Variants in MSH3 observed in about 807,000 individuals in gnomAD.
The protein encoded by MSH3 is DNA mismatch repair protein Msh3.
A neutral mutation model predicts 123.3 loss-of-function variants in MSH3; 106 were observed. The ratio of observed to expected loss-of-function variants is 0.86; its 90% CI spans 0.73 to 1.01. MSH3 has a LOEUF of 1.01. Among genes scored for constraint, MSH3 ranks in the 50% least tolerant of loss-of-function variants. The pLI is 0.00. For missense variants in MSH3, 1,459 were observed against 1,347.6 expected, an observed-to-expected ratio of 1.08 and a Z score of -1.29; for synonymous variants, 515 against 481.4, an observed-to-expected ratio of 1.07 and a Z score of -0.91.
intron 8 of MSH3, among the ~76,000 whole-genome samples, chr5:80,687,914 A>T (rs913426990): frequency 1.3e-5 from 2 of 152,178 alleles, no homozygotes; most frequent in African/African-American, 4.8e-5. Context: ...GAGCTTAGAG[A>T]ATGCCAATAG....
intron 21 of MSH3, 38 bp from the exon 22 acceptor site, chr5:80,864,775 A>T (rs772871545): frequency 2.4e-5 from 37 of 1,523,036 alleles, no homozygotes; most frequent in Middle Eastern, 1.7e-4. Context: ...AATAAAATTT[A>T]AAAATGAAAT....
intron 20 of MSH3, among the ~76,000 whole-genome samples, chr5:80,826,937 A>G (rs952566755): frequency 1.3e-5 from 2 of 152,200 alleles, no homozygotes; most frequent in Non-Finnish European, 2.9e-5. Context: ...AGTTTTGGCA[A>G]ACACATACAT....
At chr5:80,808,116 C>CT (rs1744924834) in intron 19 of MSH3, among the ~76,000 whole-genome samples, 2 of 151,970 alleles carry the variant, frequency 1.3e-5, no homozygotes, top group East Asian at 3.9e-4. Context: ...TAGGTCATAT[C>CT]TTTTTTACAA....
chr5:80,724,769 A>G (rs1337661406), intron 8 of MSH3, among the ~76,000 whole-genome samples: 1 of 152,224 alleles, frequency 6.6e-6, no homozygotes, highest in East Asian at 1.9e-4. Context: ...TATTTAAACA[A>G]ATAACGTAAT....
chr5:80,787,775 G>T lies in MSH3; in HGVS notation c.2543+103G>T, dbSNP rs1744535702. On this transcript the variant is annotated intron_variant, in intron 18 of 23. Coordinates refer to ENST00000265081, the MANE Select transcript of MSH3 (RefSeq NM_002439.5). ...TATAAAATATTACAGTTACTCAAAT[G>T]TGTTAGACTCTTGGGAAAGCTGAAT... 7.4e-6 allele frequency: 6 copies of T among 814,364 alleles called. No homozygotes were observed. In the South Asian group the frequency reaches 8.6e-5, roughly 12 times the overall value. The allele number at this position is 814,364 out of a possible 1,614,324, so 50.4% of individuals were successfully genotyped here.
chr5:80,702,547 A>G (rs1484881062), intron 8 of MSH3, among the ~76,000 whole-genome samples: 1 of 152,158 alleles, frequency 6.6e-6, no homozygotes, highest in Admixed American at 6.5e-5. Context: ...CATTAACTGC[A>G]TGTGGTTAGT....
chr5:80,762,774 TAA>T (rs1491465829), intron 13 of MSH3, among the ~76,000 whole-genome samples: 3 of 148,080 alleles, frequency 2.0e-5, no homozygotes, highest in Admixed American at 6.8e-5. Flanking sequence ...TATTTTATTT[TAA>T]TTTTTTATTT....
chr5:80,875,910 A>G lies in MSH3; in HGVS notation c.*48A>G, dbSNP rs781625455. 1.1e-5 allele frequency: 13 copies of G among 1,157,116 alleles called. No homozygotes were observed. Among genetic ancestry groups the G allele is most frequent in the Middle Eastern group, 2.0e-4 (1 of 4,928 alleles). 71.7% of individuals were successfully genotyped at this position (1,157,116 alleles called of 1,614,324 possible). On this transcript the variant is annotated 3_prime_UTR_variant, in exon 24 of 24. Transcript: ENST00000265081. ...AAAAAATGGAGAATTAAAAATACCA[A>G]CTGTACAAAATAACTCTCCAGTAAC...
chr5:80,700,028 T>A (rs1750572646), intron 8 of MSH3, among the ~76,000 whole-genome samples: 1 of 152,214 alleles, frequency 6.6e-6, no homozygotes, highest in Non-Finnish European at 1.5e-5. Context: ...GTCATTCTGT[T>A]TCATTATGTT....
chr5:80,763,122 C>T (rs182708438), intron 13 of MSH3, among the ~76,000 whole-genome samples: 90 of 152,288 alleles, frequency 5.9e-4, no homozygotes, highest in African/African-American at 2.1e-3. Flanking sequence ...GCTGGGATTA[C>T]AGGCATGAGC....
At chr5:80,790,352 C>A (rs774518003) in intron 18 of MSH3, among the ~76,000 whole-genome samples, 1 of 152,090 alleles carries the variant, frequency 6.6e-6, no homozygotes, top group Admixed American at 6.6e-5. Context: ...AGAACAAAGA[C>A]GAAGTTTACT....
rs58589501 is a variant in MSH3 at position 80,763,223 on chromosome 5, G to C, written c.1896+1545G>C. Among the ~76,000 whole-genome samples the C allele has an allele frequency of 4.5e-3, 687 of 152,292 alleles. 3 individuals are homozygous for C. Among genetic ancestry groups the C allele is most frequent in the African/African-American group, 0.016 (649 of 41,552 alleles). On this transcript the variant is annotated intron_variant, in intron 13 of 23. Transcript: ENST00000265081. ...TTTCATCCCCTTTTACCCCCACAGA[G>C]TTTTACTAGAATGATAAGTACTGCT...
chr5:80,739,977 A>G (rs1268344123), intron 10 of MSH3, among the ~76,000 whole-genome samples: 1 of 152,222 alleles, frequency 6.6e-6, no homozygotes, highest in Admixed American at 6.5e-5. Flanking sequence ...GGTTAGGTTT[A>G]TAGCACAAAC....
intron 16 of MSH3, 140 bp downstream of exon 16, chr5:80,775,898 T>C (rs1744291192): frequency 1.6e-6 from 1 of 620,072 alleles, no homozygotes; most frequent in Non-Finnish European, 2.9e-6. Context: ...AACTTTTTTT[T>C]TTTTTGGAGG....
chr5:80,764,973 T>C (rs897228862), intron 13 of MSH3, among the ~76,000 whole-genome samples: 5 of 152,156 alleles, frequency 3.3e-5, no homozygotes, highest in Non-Finnish European at 7.4e-5. Flanking sequence ...ACCATACTTG[T>C]GGGTCTGTGC....
chr5:80,745,152 A>G (rs1412794327), intron 12 of MSH3, among the ~76,000 whole-genome samples: 1 of 152,170 alleles, frequency 6.6e-6, no homozygotes, highest in Non-Finnish European at 1.5e-5. Context: ...TCCAGTGCCT[A>G]ACATACAGTG....
At chr5:80,747,844 TGC>T (rs1171080385) in intron 12 of MSH3, among the ~76,000 whole-genome samples, 1 of 152,216 alleles carries the variant, frequency 6.6e-6, no homozygotes, top group African/African-American at 2.4e-5. Context: ...AGCCTAGGTG[TGC>T]AGTGGGCTGT....
At chr5:80,709,178 G>A (rs1460425892) in intron 8 of MSH3, among the ~76,000 whole-genome samples, 1 of 151,170 alleles carries the variant, frequency 6.6e-6, no homozygotes, top group African/African-American at 2.4e-5. Flanking sequence ...TTCCTTAGTA[G>A]ACCCACATTA....
At chr5:80,846,986 A>C (rs1437683593) in intron 20 of MSH3, among the ~76,000 whole-genome samples, 1 of 151,844 alleles carries the variant, frequency 6.6e-6, no homozygotes, top group African/African-American at 2.4e-5. Flanking sequence ...GAAATCACAT[A>C]TCTTCTGCAT....
Sources: gnomAD v4.1 joint callset for allele counts (sites outside exome capture counted in the v4.1 genomes callset) on GRCh38, gnomAD v4.1.1 for gene constraint, MANE v1.5 for transcripts, NCBI Gene and HGNC (gene_info 2026-07-23, HGNC 2026-07-21) for gene names.